Variants in INSC observed in about 807,000 individuals in gnomAD.
INSC encodes the protein protein inscuteable homolog.
Under a neutral mutation model 58.6 loss-of-function variants are expected in INSC, and 67 were observed. The ratio of observed to expected loss-of-function variants is 1.14; its 90% confidence interval spans 0.94 to 1.40. The LOEUF (loss-of-function observed/expected upper bound fraction) is 1.40, where lower values mean the gene tolerates loss of function less well. Ranked by LOEUF, INSC falls within the 40% of genes most tolerant of loss-of-function variation. The pLI, the probability that INSC is intolerant of heterozygous loss-of-function variation, is 0.00. For synonymous variants in INSC, 262 were observed against 276.1 expected (o/e 0.95, Z 0.51); for missense variants, 714 against 692.0 (o/e 1.03, Z -0.36).
At chr11:15,198,008 G>GTTCT (rs1554918322) in intron 6 of INSC, among the ~76,000 whole-genome samples, 1,967 of 152,096 alleles carry the variant, frequency 0.013, 16 homozygotes, top group Non-Finnish European at 0.019. Flanking sequence ...TGCTGCACTC[G>GTTCT]GTTCTTGAAT....
intron 1 of INSC, among the ~76,000 whole-genome samples, chr11:15,124,041 A>G (rs1346684138): frequency 2.0e-5 from 3 of 152,134 alleles, no homozygotes; most frequent in African/African-American, 7.2e-5. Context: ...TTACTCTTAC[A>G]TTCCTCACTC....
At position 15,175,836 on chromosome 11, in the gene INSC, C is replaced by A; in HGVS notation, c.152C>A (p.Pro51His). ...CECMCVLQAK[P>H]ISLEEDAQGD... ...TGCATGTGTGTCCTGCAGGCCAAGC[C>A]CATCAGCCTGGAAGAGGATGCACAG... Residue 51 changes from proline to histidine, a missense_variant, in exon 3 of 13, where the codon CCC (proline) becomes CAC (histidine). Coordinates refer to ENST00000379556, the MANE Select transcript of INSC (RefSeq NM_001042536.3). 6.2e-7 allele frequency: 1 copy of A among 1,612,266 alleles called. No homozygotes were observed. The highest frequency in any genetic ancestry group is 8.5e-7 in the Non-Finnish European group (1 of 1,178,482).
upstream of INSC, chr11:15,114,834 C>A (rs953811641): frequency 3.9e-5 from 26 of 659,126 alleles, no homozygotes; most frequent in Non-Finnish European, 4.9e-5. Context: ...AGGCTGCGAC[C>A]GCCTCGGAGA....
intron 1 of INSC, among the ~76,000 whole-genome samples, chr11:15,124,036 C>G (rs879335031): frequency 1.3e-5 from 2 of 152,218 alleles, no homozygotes; most frequent in Non-Finnish European, 2.9e-5. Context: ...CTCACTTACT[C>G]TTACATTCCT....
chr11:15,267,409 A>G, the INSC span, among the ~76,000 whole-genome samples: 338 of 152,058 alleles, frequency 2.2e-3, 2 homozygotes, highest in African/African-American at 7.8e-3. Flanking sequence ...CAGCTCACTC[A>G]TACTCTATTC....
Position 15,175,761 on chromosome 11 carries a change from A to G in INSC, c.77A>G (p.Asp26Gly). 6.4e-7 allele frequency: 1 copy of G among 1,570,228 alleles called. No homozygotes were observed. The highest frequency in any genetic ancestry group is 1.7e-5 in the Admixed American group (1 of 58,138). The change falls in exon 3 of 13, where the codon GAC becomes GGC. Residue 26 changes from aspartate to glycine, a missense_variant. Coordinates refer to ENST00000379556, the MANE Select transcript of INSC (RefSeq NM_001042536.3). ...TGCAGGCTACACCTGATGCAGGTGG[A>G]CTCAGTCCAGCGCTGGATGGAAGAT... ...PGQRLHLMQV[D>G]SVQRWMEDLK... is the part of the protein sequence containing the mutation.
chr11:15,222,871 C>G (rs1260052101), intron 8 of INSC, among the ~76,000 whole-genome samples: 1 of 152,098 alleles, frequency 6.6e-6, no homozygotes. Flanking sequence ...AGTCTTGGCT[C>G]GAGGGAGCTC....
chr11:15,180,114 C>T (rs1714375), intron 5 of INSC, among the ~76,000 whole-genome samples: 81,096 of 151,748 alleles, frequency 0.53, 22,386 homozygotes, highest in East Asian at 0.93. Context: ...AAAAATAAGC[C>T]GGGCATGGTG....
intron 6 of INSC, among the ~76,000 whole-genome samples, chr11:15,198,872 G>T (rs759626212): frequency 6.6e-6 from 1 of 152,086 alleles, no homozygotes; most frequent in Non-Finnish European, 1.5e-5. Context: ...GAAGGCAGGA[G>T]TAAAGGTTGT....
chr11:15,269,494 T>A, the INSC span, among the ~76,000 whole-genome samples: 1 of 152,038 alleles, frequency 6.6e-6, no homozygotes, highest in Non-Finnish European at 1.5e-5. Context: ...TACTTTTTTT[T>A]ATCCATCCAT....
At chr11:15,234,843 G>T (rs936410011) in intron 9 of INSC, among the ~76,000 whole-genome samples, 44 of 152,044 alleles carry the variant, frequency 2.9e-4, no homozygotes, top group Non-Finnish European at 5.3e-4. Context: ...CCTCTGTCAG[G>T]CCATTCCTTA....
intron 9 of INSC, among the ~76,000 whole-genome samples, chr11:15,229,763 T>C (rs1266887563): frequency 6.6e-6 from 1 of 150,752 alleles, no homozygotes; most frequent in Non-Finnish European, 1.5e-5. Flanking sequence ...GCAATTGTAT[T>C]GGTCTATTCT....
At chr11:15,163,383 T>A (rs1341178275) in intron 2 of INSC, among the ~76,000 whole-genome samples, 1 of 152,130 alleles carries the variant, frequency 6.6e-6, no homozygotes, top group Non-Finnish European at 1.5e-5. Flanking sequence ...ATGTCTTGCA[T>A]GTTTGCTTTT....
At chr11:15,222,662 C>T (rs1339971886) in intron 8 of INSC, among the ~76,000 whole-genome samples, 4 of 152,170 alleles carry the variant, frequency 2.6e-5, no homozygotes, top group Non-Finnish European at 5.9e-5. Context: ...CATTGCAACT[C>T]GTTTCTCTCA....
the INSC span, among the ~76,000 whole-genome samples, chr11:15,269,144 T>A: frequency 6.6e-6 from 1 of 152,074 alleles, no homozygotes; most frequent in African/African-American, 2.4e-5. Context: ...GGTATATCTA[T>A]TTCATTAAAT....
chr11:15,235,460 G>A, intron 9 of INSC, 142 bp from the exon 10 acceptor site: 1 of 716,054 alleles, frequency 1.4e-6, no homozygotes, highest in South Asian at 1.5e-5. Context: ...GGAAGAAAAT[G>A]CCGTGGAAGG....
chr11:15,207,945 TG>T (rs1015915757), intron 7 of INSC, among the ~76,000 whole-genome samples: 36 of 152,278 alleles, frequency 2.4e-4, no homozygotes, highest in Non-Finnish European at 4.0e-4. Context: ...GAGGCTGGAC[TG>T]AGAACCCTGC....
chr11:15,225,615 G>A, intron 8 of INSC, 35 bp from the exon 9 acceptor site: 1 of 1,593,448 alleles, frequency 6.3e-7, no homozygotes, highest in Non-Finnish European at 8.6e-7. Flanking sequence ...AAAACACTTG[G>A]CACGGAAGTT....
At chr11:15,146,417 A>G (rs1233072534) in intron 1 of INSC, among the ~76,000 whole-genome samples, 1 of 152,224 alleles carries the variant, frequency 6.6e-6, no homozygotes, top group Admixed American at 6.5e-5. Flanking sequence ...GTCTGTGAAT[A>G]GGGCAGTGAT....
Sources: gnomAD v4.1 joint callset for allele counts (sites outside exome capture counted in the v4.1 genomes callset) on GRCh38, gnomAD v4.1.1 for gene constraint, MANE v1.5 for transcripts, NCBI Gene and HGNC (gene_info 2026-07-23, HGNC 2026-07-21) for gene names.